Variants in DLC1 observed in about 807,000 individuals in gnomAD.
DLC1 encodes the protein rho GTPase-activating protein 7.
A neutral mutation model predicts 140.3 loss-of-function variants in DLC1; 54 were observed. The observed-to-expected ratio is 0.38, with a 90% CI of 0.31 to 0.48. The LOEUF (loss-of-function observed/expected upper bound fraction) is 0.48. DLC1 is among the 20% of genes least tolerant of loss of function. The pLI is 0.96. For missense variants in DLC1, 2,536 were observed against 1,907.0 expected (o/e 1.33, Z -6.14); for synonymous variants, 986 against 728.1 (o/e 1.35, Z -5.70).
chr8:13,207,140 A>G (rs981190288), intron 5 of DLC1, among the ~76,000 whole-genome samples: 5 of 152,352 alleles, frequency 3.3e-5, no homozygotes, highest in African/African-American at 1.2e-4. Context: ...AAACTCATAC[A>G]CAAATTTTAA....
chr8:13,249,860 C>G (rs971894752), intron 5 of DLC1, among the ~76,000 whole-genome samples: 1 of 152,190 alleles, frequency 6.6e-6, no homozygotes, highest in Non-Finnish European at 1.5e-5. Context: ...TGTGACAAGT[C>G]TCCACCCAGG....
chr8:13,419,962 A>G (rs896693862), intron 2 of DLC1, among the ~76,000 whole-genome samples: 28 of 152,240 alleles, frequency 1.8e-4, no homozygotes, highest in African/African-American at 6.5e-4. Context: ...GTGTCGAGGA[A>G]TTTATCCATT....
intron 5 of DLC1, chr8:13,133,300 C>A (rs1822281910): frequency 8.0e-7 from 1 of 1,252,784 alleles, no homozygotes; most frequent in Non-Finnish European, 1.0e-6. Flanking sequence ...GTCTCCCGCG[C>A]GCTCCGCCAG....
intron 2 of DLC1, among the ~76,000 whole-genome samples, chr8:13,421,772 G>A (rs1467286935): frequency 1.1e-4 from 17 of 152,116 alleles, no homozygotes; most frequent in Admixed American, 1.1e-3. Context: ...TTTTCCTTGT[G>A]CATAAGGAAA....
At chr8:13,231,471 T>G (rs895838342) in intron 5 of DLC1, among the ~76,000 whole-genome samples, 1 of 152,216 alleles carries the variant, frequency 6.6e-6, no homozygotes, top group Non-Finnish European at 1.5e-5. Context: ...ATTTTACATT[T>G]TAAAAAATGA....
chr8:13,174,290 T>A (rs1260876923), intron 5 of DLC1, among the ~76,000 whole-genome samples: 2 of 152,234 alleles, frequency 1.3e-5, no homozygotes, highest in African/African-American at 4.8e-5. Context: ...GTTGATTCTA[T>A]GTCTTTGCTG....
chr8:13,501,924 A>C (rs1286924139), intron 1 of DLC1, among the ~76,000 whole-genome samples: 1 of 152,194 alleles, frequency 6.6e-6, no homozygotes, highest in African/African-American at 2.4e-5. Context: ...GGGAGGTAAT[A>C]GGGTTTTAGA....
intron 1 of DLC1, chr8:13,567,204 T>A (rs1804471183): frequency 6.4e-7 from 1 of 1,551,746 alleles, no homozygotes; most frequent in East Asian, 2.4e-5. Flanking sequence ...ACACACAATC[T>A]GAGCTTTTGG....
intron 2 of DLC1, among the ~76,000 whole-genome samples, chr8:13,442,863 A>G (rs1040153746): frequency 2.0e-5 from 3 of 152,132 alleles, no homozygotes; most frequent in Non-Finnish European, 4.4e-5. Context: ...GGTGTATACC[A>G]AAAGGATTAT....
In DLC1 at chr8:13,254,183, T is replaced by TA. The variant is rs374779389; in HGVS notation, c.1348+51085dup. Among the ~76,000 whole-genome samples, 497 of 141,300 alleles carry TA rather than the reference T, an allele frequency of 3.5e-3. 2 individuals carry two copies. The highest frequency in any genetic ancestry group is 4.3e-3 in the East Asian group (21 of 4,854). 92.7% of individuals were successfully genotyped at this position (141,300 alleles called of 152,430 possible). A position where few individuals can be genotyped will look rare whatever the true frequency, so the allele number is the denominator to read the frequency against. ...CCCAACCCGACCCCCTAAATAAAAT[T>TA]AAAAAAAAAAAGAATAAAGAAAAGA... On this transcript the variant is annotated intron_variant, in intron 5 of 17. Transcript: ENST00000276297.
intron 2 of DLC1, among the ~76,000 whole-genome samples, chr8:13,489,448 C>CACACACACACACAA (rs879327958): frequency 2.0e-5 from 3 of 147,794 alleles, no homozygotes; most frequent in Non-Finnish European, 4.5e-5. Flanking sequence ...CACACACACA[C>CACACACACACACAA]AAAATGTTGC....
intron 5 of DLC1, among the ~76,000 whole-genome samples, chr8:13,299,549 G>A (rs1832098792): frequency 1.4e-5 from 2 of 147,648 alleles, no homozygotes; most frequent in African/African-American, 5.0e-5. Flanking sequence ...CTATCATCTG[G>A]TGCCAGTTGC....
chr8:13,415,387 G>T (rs963608427), intron 2 of DLC1, among the ~76,000 whole-genome samples: 2 of 140,432 alleles, frequency 1.4e-5, no homozygotes, highest in Non-Finnish European at 3.0e-5. Context: ...TGTTTAAACA[G>T]GGTAAAATAT....
chr8:13,334,133 G>C (rs1833719623), intron 4 of DLC1, among the ~76,000 whole-genome samples: 1 of 152,150 alleles, frequency 6.6e-6, no homozygotes, highest in South Asian at 2.1e-4. Flanking sequence ...AGGTTACCAG[G>C]GACGTCAGCT....
chr8:13,092,045 G>A (rs1236929854), intron 13 of DLC1, among the ~76,000 whole-genome samples: 1 of 152,248 alleles, frequency 6.6e-6, no homozygotes, highest in East Asian at 1.9e-4. Flanking sequence ...AGGAGCTCGA[G>A]ACCAGCCTGG....
chr8:13,386,169 G>A (rs775394494), intron 4 of DLC1, among the ~76,000 whole-genome samples: 6 of 152,142 alleles, frequency 3.9e-5, no homozygotes, highest in Non-Finnish European at 8.8e-5. Flanking sequence ...AGCATGCAAA[G>A]TACTATTCAT....
At chr8:13,333,259 T>C (rs1001848814) in intron 4 of DLC1, among the ~76,000 whole-genome samples, 1 of 152,204 alleles carries the variant, frequency 6.6e-6, no homozygotes, top group African/African-American at 2.4e-5. Flanking sequence ...AGGGTCTTCC[T>C]TTATTGCCCA....
At chr8:13,343,639 C>T (rs569468738) in intron 4 of DLC1, among the ~76,000 whole-genome samples, 1 of 152,272 alleles carries the variant, frequency 6.6e-6, no homozygotes, top group Non-Finnish European at 1.5e-5. Flanking sequence ...TATTAAGTGA[C>T]CTGCCAAAGT....
At chr8:13,421,999 G>A (rs564275142) in intron 2 of DLC1, among the ~76,000 whole-genome samples, 3 of 152,156 alleles carry the variant, frequency 2.0e-5, no homozygotes, top group South Asian at 2.1e-4. Context: ...GTCTTCTGTG[G>A]AGTTGACTTG....
Sources: gnomAD v4.1 joint callset for allele counts (sites outside exome capture counted in the v4.1 genomes callset) on GRCh38, gnomAD v4.1.1 for gene constraint, MANE v1.5 for transcripts, NCBI Gene and HGNC (gene_info 2026-07-23, HGNC 2026-07-21) for gene names.